The following TAF1 variants were observed in gnomAD, a reference collection of about 807,000 sequenced individuals.
TAF1 encodes TATA-box binding protein associated factor 1, also known as transcription initiation factor TFIID subunit 1.
TAF1 carries 2 observed loss-of-function variants against 138.5 expected under a neutral mutation model. The ratio of observed to expected loss-of-function variants is 0.01; its 90% confidence interval spans 0.01 to 0.05. The LOEUF is 0.05. TAF1 is among the 10% of genes least tolerant of loss of function. TAF1 has a pLI of 1.00. For synonymous variants in TAF1, 437 were observed against 503.2 expected (o/e 0.87, Z 1.76); for missense variants, 709 against 1,478.0 (o/e 0.48, Z 8.53).
chrX:71,372,754 C>T (rs2033166373), intron 3 of TAF1, among the ~76,000 whole-genome samples: 1 of 111,897 alleles, frequency 8.9e-6, no homozygotes, highest in African/African-American at 3.2e-5. Context: ...CAGTCTCTTC[C>T]GTATCTCAGG....
chrX:71,403,038 T>C (rs2035263824), intron 25 of TAF1, among the ~76,000 whole-genome samples: 1 of 108,427 alleles, frequency 9.2e-6, no homozygotes, highest in Non-Finnish European at 1.9e-5. Flanking sequence ...TTTTCTTTCT[T>C]TTTTTTTTGA....
chrX:71,507,241 A>AT (rs749730499), intron 13 of TAF1, among the ~76,000 whole-genome samples: 46 of 110,317 alleles, frequency 4.2e-4, no homozygotes, highest in African/African-American at 7.9e-4. Context: ...TTTTACATCA[A>AT]TTTTTTTTTA....
chrX:71,382,434 A>T (rs2033955718), intron 9 of TAF1, 102 bp from the exon 10 acceptor site: 2 of 1,100,442 alleles, frequency 1.8e-6, no homozygotes, highest in East Asian at 6.1e-5. Flanking sequence ...TAAGACCTTC[A>T]CTGGAACATC....
At chrX:71,383,275 G>C (rs1013683249) in intron 12 of TAF1, 111 bp downstream of exon 12, 8 of 879,616 alleles carry the variant, frequency 9.1e-6, no homozygotes, top group Non-Finnish European at 1.2e-5. Flanking sequence ...TCTCAGATGT[G>C]ATAGAATGTT....
At chrX:71,382,239 T>G (rs1393430551) in intron 9 of TAF1, among the ~76,000 whole-genome samples, 1 of 111,809 alleles carries the variant, frequency 8.9e-6, no homozygotes, top group African/African-American at 3.3e-5. Context: ...TATTTGTGTA[T>G]TCCCTAGGGA....
Position 71,439,541 on chromosome X carries a change from C to G in TAF1, c.4754-14629C>G, listed in dbSNP as rs146881471. Among the ~76,000 whole-genome samples the G allele has an allele frequency of 5.4e-3, 600 of 111,870 alleles. 4 individuals are homozygous for G. Among genetic ancestry groups the G allele is most frequent in the African/African-American group, 0.019 (576 of 30,843 alleles). ...GTTAAAGCCTCTGCCTGCCCTCCCA[C>G]TCCTGTCTCCCATATTTTCATTTCC... On this transcript the variant is annotated intron_variant, in intron 32 of 37. Coordinates refer to ENST00000423759, the MANE Select transcript of TAF1 (RefSeq NM_004606.5).
In TAF1 at chrX:71,401,754, G is replaced by A. The variant is rs762757950; in HGVS notation, c.3998+15G>A. ...CTAATTGAGAGGTAAGAGATACCAGGCAGGAAGTGCTATGGGACAGATTTA... is the reference window on the plus strand; with the variant it reads ...CTAATTGAGAGGTAAGAGATACCAGACAGGAAGTGCTATGGGACAGATTTA... On this transcript the variant is annotated intron_variant, in intron 25 of 37. Transcript: ENST00000423759. 10 of 1,199,230 alleles carry A rather than the reference G, an allele frequency of 8.3e-6. No individual in the cohort carries two copies. Among genetic ancestry groups the A allele is most frequent in the Non-Finnish European group, 1.0e-5 (9 of 884,246 alleles).
chrX:71,447,202 A>G (rs1434324052), intron 32 of TAF1, among the ~76,000 whole-genome samples: 1 of 111,145 alleles, frequency 9.0e-6, no homozygotes, highest in East Asian at 2.8e-4. Flanking sequence ...ACAAATGCAT[A>G]TCCTCACACC....
chrX:71,419,385 A>AAAAAAC (rs1022342089), intron 28 of TAF1, among the ~76,000 whole-genome samples: 1 of 111,046 alleles, frequency 9.0e-6, no homozygotes, highest in Non-Finnish European at 1.9e-5. Context: ...GCAAAGGAAA[A>AAAAAAC]AAAAACAAAA....
chrX:71,400,499 G>T (rs1175132938), intron 24 of TAF1, among the ~76,000 whole-genome samples: 1 of 112,000 alleles, frequency 8.9e-6, no homozygotes, highest in African/African-American at 3.2e-5. Flanking sequence ...AGCAACAAAA[G>T]TAAAACATAC....
At position 71,464,297 on chromosome X, in the gene TAF1, AT is replaced by A; in HGVS notation, c.*256del. ...TACCACTACGGAAAAGAGCAAGCTC[AT>A]TTTTCCGTGTCCTCCTTTATTTAAC... On this transcript the variant is annotated 3_prime_UTR_variant, in exon 38 of 38. Transcript: ENST00000423759. 2.6e-6 allele frequency: 1 copy of A among 389,324 alleles called. No homozygotes were observed. The highest frequency in any genetic ancestry group is 4.4e-6 in the Non-Finnish European group (1 of 226,870). The allele number at this position is 389,324 out of a possible 1,213,427, so 32.1% of individuals were successfully genotyped here.
At chrX:71,518,970 C>G in intron 13 of TAF1, among the ~76,000 whole-genome samples, 1 of 107,923 alleles carries the variant, frequency 9.3e-6, no homozygotes, top group Non-Finnish European at 1.9e-5. Flanking sequence ...GCTGGGATTA[C>G]AGATGTGAGC....
chrX:71,378,515 CTT>C lies in TAF1; in HGVS notation c.1152+64_1152+65del, dbSNP rs1013829929. 11 of 1,143,148 alleles carry C rather than the reference CTT, an allele frequency of 9.6e-6. No homozygotes were observed. In the African/African-American group the frequency reaches 1.3e-4, roughly 13 times the overall value. 94.2% of individuals were successfully genotyped at this position (1,143,148 alleles called of 1,213,427 possible). ...ACTCAGGTCCTATTACTTTTACTAA[CTT>C]TACTCTTTAATTGGGGAGATACTGG... On this transcript the variant is annotated intron_variant, in intron 7 of 37. Coordinates refer to ENST00000423759, the MANE Select transcript of TAF1 (RefSeq NM_004606.5).
intron 28 of TAF1, among the ~76,000 whole-genome samples, chrX:71,419,484 G>A (rs185266267): frequency 2.7e-4 from 30 of 111,315 alleles, no homozygotes; most frequent in East Asian, 2.0e-3. Flanking sequence ...GGGGCGGAAC[G>A]GAGATCTTCC....
chrX:71,394,023 A>G (rs375046346), intron 21 of TAF1, 44 bp from the exon 22 acceptor site: 20 of 1,135,304 alleles, frequency 1.8e-5, no homozygotes, highest in Non-Finnish European at 2.3e-5. Context: ...GCCTGCAACC[A>G]TATTTCTTTA....
At chrX:71,388,433 T>C (rs1280671470) in intron 16 of TAF1, 55 bp downstream of exon 16, 183 of 1,170,207 alleles carry the variant, frequency 1.6e-4, no homozygotes, top group Non-Finnish European at 2.0e-4. Context: ...AGAATTTTGA[T>C]GGCTTTGAGT....
chrX:71,389,524 A>G, intron 17 of TAF1, 61 bp from the exon 18 acceptor site: 1 of 1,038,172 alleles, frequency 9.6e-7, no homozygotes, highest in African/African-American at 1.9e-5. Flanking sequence ...TCAGTAAAAA[A>G]AAAACTTGTG....
chrX:71,524,910 T>C (rs1184692498), intron 13 of TAF1, among the ~76,000 whole-genome samples: 8 of 96,010 alleles, frequency 8.3e-5, no homozygotes, highest in East Asian at 3.4e-4. Flanking sequence ...CACTGCACTC[T>C]AGCCTAGGTG....
At chrX:71,423,320 TTGGAGAGTC>T (rs1173564202) in intron 30 of TAF1, 81 bp downstream of exon 30, 1 of 1,174,180 alleles carries the variant, frequency 8.5e-7, no homozygotes, top group African/African-American at 1.8e-5. Flanking sequence ...TGTGTGTATT[TTGGAGAGTC>T]TGAGTGGTGG....
Sources: gnomAD v4.1 joint callset for allele counts (sites outside exome capture counted in the v4.1 genomes callset) on GRCh38, gnomAD v4.1.1 for gene constraint, MANE v1.5 for transcripts, NCBI Gene and HGNC (gene_info 2026-07-23, HGNC 2026-07-21) for gene names.